The following ERAP2 variants were observed in gnomAD, a reference collection of about 807,000 sequenced individuals.
ERAP2 encodes leukocyte-derived arginine aminopeptidase.
Under a neutral mutation model 111.1 loss-of-function variants are expected in ERAP2, and 118 were observed. The observed-to-expected ratio is 1.06, with a 90% CI of 0.92 to 1.24. ERAP2 has a LOEUF of 1.24. Ranked by LOEUF, ERAP2 falls within the 50% of genes most tolerant of loss-of-function variation. The probability of loss-of-function intolerance (pLI) is 0.00; values close to 1 mark genes in which losing one functional copy is unlikely to be tolerated. For synonymous variants in ERAP2, 410 were observed against 401.2 expected (o/e 1.02, Z -0.26); for missense variants, 1,131 against 1,125.8 (o/e 1.00, Z -0.07).
At position 96,903,821 on chromosome 5, in the gene ERAP2, T is replaced by C. The variant is rs551585121; in HGVS notation, c.2012+261T>C. Among the ~76,000 whole-genome samples, 139 of 152,248 alleles carry C rather than the reference T, an allele frequency of 9.1e-4. 1 individual carries two copies. The highest frequency in any genetic ancestry group is 1.6e-3 in the Non-Finnish European group (112 of 68,010). ...CTCTGGAATCTCTTAAAAATGATAT[T>C]TGGCAACTGTGGGTCTTTATCCTGT... is the stretch of plus-strand genomic sequence containing the variant. On this transcript the variant is annotated intron_variant, in intron 13 of 18. Coordinates refer to ENST00000437043, the MANE Select transcript of ERAP2 (RefSeq NM_022350.5).
chr5:96,886,432 G>A (rs1783717159), intron 3 of ERAP2, among the ~76,000 whole-genome samples: 1 of 152,230 alleles, frequency 6.6e-6, no homozygotes, highest in Non-Finnish European at 1.5e-5. Context: ...GTGCTTTGGG[G>A]ATCTCAAAAG....
intron 3 of ERAP2, among the ~76,000 whole-genome samples, chr5:96,885,308 C>T (rs547033613): frequency 5.3e-5 from 8 of 152,286 alleles, no homozygotes; most frequent in African/African-American, 1.7e-4. Flanking sequence ...AAGACAGCAC[C>T]TCCTCTGCTG....
chr5:96,879,765 C>A lies in ERAP2; in HGVS notation c.80C>A (p.Ala27Asp), dbSNP rs1297459471. ...CACAGAGGATTTTACTGCTTAACAG[C>A]CATCTTGCCCCAAATATGCATTTGT... ...NIHRGFYCLT[A>D]ILPQICICSQ... The change falls in exon 2 of 19, where the codon GCC (alanine) becomes GAC (aspartate). Residue 27 changes from alanine (A) to aspartate (D), a missense_variant. Physicochemically the swap from Ala to Asp is moderately radical, Grantham distance 126 (BLOSUM62 -2). Coordinates refer to ENST00000437043, the MANE Select transcript of ERAP2 (RefSeq NM_022350.5). The A allele has an allele frequency of 1.2e-6, 2 of 1,614,068 alleles. No individual in the cohort carries two copies. Among genetic ancestry groups the A allele is most frequent in the Non-Finnish European group, 1.7e-6 (2 of 1,180,012 alleles).
chr5:96,901,769 T>C, intron 11 of ERAP2, 88 bp downstream of exon 11: 1 of 1,337,154 alleles, frequency 7.5e-7, no homozygotes, highest in Non-Finnish European at 1.0e-6. Flanking sequence ...TCTGGCAACT[T>C]TGTAGGATGC....
intron 13 of ERAP2, 142 bp downstream of exon 13, chr5:96,903,702 G>A: frequency 1.5e-6 from 1 of 661,386 alleles, no homozygotes; most frequent in Non-Finnish European, 2.4e-6. Flanking sequence ...CTAGGCCAAA[G>A]ACTACCCACT....
intron 1 of ERAP2, among the ~76,000 whole-genome samples, chr5:96,877,601 TG>T (rs1235329441): frequency 2.6e-5 from 4 of 152,260 alleles, no homozygotes; most frequent in African/African-American, 9.6e-5. Flanking sequence ...CACTGTTTTA[TG>T]GTTGAGATAA....
At chr5:96,914,364 C>T (rs1386786077) in intron 17 of ERAP2, among the ~76,000 whole-genome samples, 2 of 152,220 alleles carry the variant, frequency 1.3e-5, no homozygotes, top group African/African-American at 4.8e-5. Flanking sequence ...AGAGTCCTCA[C>T]ACAGCTTTGC....
rs748231518 is a variant in ERAP2 at position 96,883,888 on chromosome 5, A to G, written c.672A>G (p.Ile224Met). 1.9e-6 allele frequency: 3 copies of G among 1,613,616 alleles called. No individual in the cohort carries two copies. The African/African-American group carries it at 4.0e-5, about 22-fold the overall frequency. Reference protein sequence around the residue: ...PLFKANFSIKIRRESRHIALS... With the variant: ...PLFKANFSIKMRRESRHIALS... ...TCAAAGCCAACTTTTCAATCAAGAT[A>G]CGAAGAGAGAGCAGGCATATTGCAC... The change falls in exon 3 of 19, where the codon ATA becomes ATG. Residue 224 changes from isoleucine (I) to methionine (M), a missense_variant. Physicochemically the swap from Ile to Met is conservative, Grantham distance 10. This residue lies in a region of ERAP2 where 847 missense variants were observed against 856.5 expected (regional missense o/e 0.99). Transcript: ENST00000437043.
intron 6 of ERAP2, among the ~76,000 whole-genome samples, chr5:96,894,473 C>T (rs1007707547): frequency 6.6e-6 from 1 of 151,730 alleles, no homozygotes. Flanking sequence ...AGCTTTGGTC[C>T]GTCTAGAGAT....
At chr5:96,909,926 T>A in intron 15 of ERAP2, 162 bp downstream of exon 15, 1 of 632,240 alleles carries the variant, frequency 1.6e-6, no homozygotes, top group Non-Finnish European at 2.7e-6. Flanking sequence ...AAGTGCTATG[T>A]ATGGAGACTA....
chr5:96,884,070 CTATCTATCT>C, intron 3 of ERAP2, 140 bp downstream of exon 3: 31 of 644,770 alleles, frequency 4.8e-5, no homozygotes, highest in Non-Finnish European at 6.5e-5. Flanking sequence ...ATCTATCTAT[CTATCTATCT>C]ATCATCATAA....
rs549596502 is a variant in ERAP2 at position 96,915,723 on chromosome 5, T to G, written c.2693T>G (p.Ile898Ser). 2 of 1,598,978 alleles carry G rather than the reference T, an allele frequency of 1.3e-6. No individual in the cohort carries two copies. The highest frequency in any genetic ancestry group is 3.5e-5 in the Admixed American group (2 of 57,710). ...GGCTCATATGACATAAGGATGATCA[T>G]CTCTGGCACAACAGCTCACTTTTCT... is the stretch of plus-strand genomic sequence containing the variant. Reference protein sequence around the residue: ...DLGSYDIRMIISGTTAHFSSK... With the variant: ...DLGSYDIRMISSGTTAHFSSK... The change falls in exon 18 of 19, where the codon ATC (isoleucine) becomes AGC (serine). Residue 898 changes from isoleucine to serine, a missense_variant. Physicochemically the swap from Ile to Ser is moderately radical, Grantham distance 142. Transcript: ENST00000437043.
At chr5:96,881,038 G>A (rs918325183) in intron 2 of ERAP2, 4 of 172,892 alleles carry the variant, frequency 2.3e-5, no homozygotes, top group African/African-American at 7.2e-5. Context: ...CGGGGCAAGT[G>A]CTCTAAAGTG....
chr5:96,877,682 T>A (rs549110023), intron 1 of ERAP2, among the ~76,000 whole-genome samples: 101 of 152,368 alleles, frequency 6.6e-4, no homozygotes, highest in South Asian at 4.6e-3. Context: ...AGCGTTGGAA[T>A]CTGGGCACTC....
intron 10 of ERAP2, 24 bp from the exon 11 acceptor site, chr5:96,901,482 T>C (rs1785456162): frequency 6.2e-7 from 1 of 1,610,456 alleles, no homozygotes; most frequent in African/African-American, 1.3e-5. Flanking sequence ...TCTCTTGAGT[T>C]ATCATAGTCA....
In ERAP2 at chr5:96,913,350, C is replaced by G. The variant is rs199653916; in HGVS notation, c.2550C>G (p.Ile850Met). The change falls in exon 17 of 19, where the codon ATC (isoleucine) becomes ATG (methionine). Residue 850 changes from isoleucine to methionine, a missense_variant. This residue lies in a region of ERAP2 where 279 missense variants were observed against 250.9 expected (regional missense o/e 1.11). Transcript: ENST00000437043. ...AACTAGGAATGGAAGGAAAGGTTATCAAGACACAGAACTTGGCAGCTCTCC... is the reference window on the plus strand; with the variant it reads ...AACTAGGAATGGAAGGAAAGGTTATGAAGACACAGAACTTGGCAGCTCTCC... ...LIELGMEGKV[I>M]KTQNLAALLH... 16 of 1,614,002 alleles carry G rather than the reference C, an allele frequency of 9.9e-6. No individual in the cohort carries two copies. In the Middle Eastern group the frequency reaches 4.9e-4, roughly 50 times the overall value.
chr5:96,883,443 AATT>A (rs1303585551), intron 2 of ERAP2, among the ~76,000 whole-genome samples: 2 of 152,188 alleles, frequency 1.3e-5, no homozygotes, highest in African/African-American at 2.4e-5. Flanking sequence ...TTTCCTAGTG[AATT>A]TTGAAGACAT....
chr5:96,896,886 A>G, intron 9 of ERAP2, 23 bp downstream of exon 9: 3 of 1,550,750 alleles, frequency 1.9e-6, no homozygotes, highest in Non-Finnish European at 1.7e-6. Flanking sequence ...TTGGGTAACG[A>G]TAGACTGTTA....
At chr5:96,911,866 C>CAAAAAAAAAAA (rs386358295) in intron 15 of ERAP2, among the ~76,000 whole-genome samples, 1,746 of 54,252 alleles carry the variant, frequency 0.032, 27 homozygotes, top group Non-Finnish European at 0.046. Context: ...GACCCTGTCT[C>CAAAAAAAAAAA]AAAAAAAAAA....
Sources: allele counts gnomAD v4.1 joint callset (sites outside exome capture counted in the v4.1 genomes callset), GRCh38; gene constraint gnomAD v4.1.1; regional missense constraint gnomAD v4.1.1; transcripts MANE v1.5; gene names NCBI Gene and HGNC (gene_info 2026-07-23, HGNC 2026-07-21).